CRYBG1: variants seen among roughly 807,000 people sequenced by gnomAD.
CRYBG1 encodes the protein crystallin beta-gamma domain containing 1.
CRYBG1 carries 139 observed loss-of-function variants against 189.2 expected under a neutral mutation model. The ratio of observed to expected loss-of-function variants is 0.73; its 90% CI spans 0.64 to 0.85. The LOEUF (loss-of-function observed/expected upper bound fraction) is 0.85, where lower values mean the gene tolerates loss of function less well. Ranked by LOEUF, CRYBG1 falls within the 40% of genes least tolerant of loss-of-function variation. The probability of loss-of-function intolerance (pLI) is 0.00; values close to 1 mark genes in which losing one functional copy is unlikely to be tolerated. For synonymous variants in CRYBG1, 1,023 were observed against 1,017.1 expected, an observed-to-expected ratio of 1.01 and a Z score of -0.11; for missense variants, 2,611 against 2,675.8, an observed-to-expected ratio of 0.98 and a Z score of 0.53.
chr6:106,481,166 G>GTTTCACC (rs1772444564), intron 2 of CRYBG1, among the ~76,000 whole-genome samples: 1 of 79,706 alleles, frequency 1.3e-5, no homozygotes, highest in Non-Finnish European at 2.3e-5. Flanking sequence ...AGTAGAGACG[G>GTTTCACC]GGTTTCACCG....
At chr6:106,369,730 A>G (rs1291766039) in intron 1 of CRYBG1, among the ~76,000 whole-genome samples, 1 of 152,236 alleles carries the variant, frequency 6.6e-6, no homozygotes, top group Non-Finnish European at 1.5e-5. Flanking sequence ...TGATTGAGAG[A>G]TGCAGTTTAT....
intron 11 of CRYBG1, among the ~76,000 whole-genome samples, chr6:106,543,839 G>A (rs1227466135): frequency 4.6e-5 from 7 of 152,178 alleles, no homozygotes; most frequent in African/African-American, 1.7e-4. Flanking sequence ...ATCACCTGAG[G>A]TCAGGAGTTC....
Position 106,531,742 on chromosome 6 carries a change from G to A in CRYBG1, c.4718+1427G>A, listed in dbSNP as rs142013365. Reference sequence around the variant, plus strand: ...ATGTACACTTAAACAAATAAAGTGAGCACCCAAGTAGACACCACTTGAGCC... The same window carrying A: ...ATGTACACTTAAACAAATAAAGTGAACACCCAAGTAGACACCACTTGAGCC... On this transcript the variant is annotated intron_variant, in intron 8 of 21. Transcript: ENST00000633556. Among the ~76,000 whole-genome samples the A allele has an allele frequency of 3.5e-3, 528 of 152,252 alleles. 5 individuals carry two copies. Among genetic ancestry groups the A allele is most frequent in the African/African-American group, 0.012 (496 of 41,552 alleles).
chr6:106,568,382 C>A, intron 21 of CRYBG1, 90 bp from the exon 22 acceptor site: 1 of 1,023,618 alleles, frequency 9.8e-7, no homozygotes, highest in Non-Finnish European at 1.5e-6. Context: ...TACTTGCTTA[C>A]TTTTGCTGTA....
intron 2 of CRYBG1, among the ~76,000 whole-genome samples, chr6:106,466,733 C>T (rs181111134): frequency 1.3e-5 from 2 of 152,202 alleles, no homozygotes; most frequent in Admixed American, 1.3e-4. Context: ...CAGTTGAAGA[C>T]ATAAGAGAAC....
chr6:106,423,694 C>CTTTTTT lies in CRYBG1; in HGVS notation c.174-28000_174-27999insTTTTTT, dbSNP rs1350862841. On this transcript the variant is annotated intron_variant, in intron 1 of 21. Transcript: ENST00000633556. ...CCCTCCAGTCCTCAGTTCTCCCTCC[C>CTTTTTT]CTTTTTTTTTTTTTTTTTTTTTTTT... Among the ~76,000 whole-genome samples, 14 of 101,242 alleles carry CTTTTTT rather than the reference C, an allele frequency of 1.4e-4. 5 individuals are homozygous for CTTTTTT. The highest frequency in any genetic ancestry group is 3.4e-4 in the African/African-American group (8 of 23,640). 66.4% of individuals were successfully genotyped at this position (101,242 alleles called of 152,430 possible). A position where few individuals can be genotyped will look rare whatever the true frequency, so the allele number is the denominator to read the frequency against.
intron 2 of CRYBG1, among the ~76,000 whole-genome samples, chr6:106,503,844 A>G (rs1416265615): frequency 6.6e-6 from 1 of 152,054 alleles, no homozygotes; most frequent in East Asian, 1.9e-4. Context: ...GGAGAATGAA[A>G]TTATAATTAT....
chr6:106,502,331 G>A (rs1441253338), intron 2 of CRYBG1, among the ~76,000 whole-genome samples: 2 of 152,218 alleles, frequency 1.3e-5, no homozygotes, highest in East Asian at 3.9e-4. Flanking sequence ...TACTTTCTGG[G>A]TTACAAGTTA....
chr6:106,488,909 T>C (rs148794944), intron 2 of CRYBG1, among the ~76,000 whole-genome samples: 10 of 152,220 alleles, frequency 6.6e-5, no homozygotes, highest in Admixed American at 1.3e-4. Context: ...AGTTTCAAGA[T>C]GGTGTTGTGC....
At chr6:106,415,920 C>A (rs1771012913) in intron 1 of CRYBG1, among the ~76,000 whole-genome samples, 1 of 152,164 alleles carries the variant, frequency 6.6e-6, no homozygotes, top group South Asian at 2.1e-4. Context: ...CTCTGCCTGG[C>A]AGTCCCCCCC....
At chr6:106,459,809 AG>A (rs1300778773) in intron 2 of CRYBG1, among the ~76,000 whole-genome samples, 3 of 152,200 alleles carry the variant, frequency 2.0e-5, no homozygotes, top group Non-Finnish European at 4.4e-5. Context: ...CTGAATCAAA[AG>A]CTTGCATATT....
chr6:106,361,603 C>G (rs1024010668), intron 1 of CRYBG1, among the ~76,000 whole-genome samples: 1 of 152,188 alleles, frequency 6.6e-6, no homozygotes, highest in Non-Finnish European at 1.5e-5. Flanking sequence ...GGTGGAGGAA[C>G]TGAGACCAAA....
rs1775031000 is a variant in CRYBG1 at position 106,570,593 on chromosome 6, ACT to A, written c.*2032_*2033del. 6.6e-6 allele frequency: 1 copy of A among 151,912 alleles called. No individual in the cohort carries two copies. The highest frequency in any genetic ancestry group is 2.4e-5 in the African/African-American group (1 of 41,322). 9.4% of individuals were successfully genotyped at this position (151,912 alleles called of 1,614,324 possible). On this transcript the variant is annotated 3_prime_UTR_variant, in exon 22 of 22. Coordinates refer to ENST00000633556, the MANE Select transcript of CRYBG1 (RefSeq NM_001371242.2). ...TAATAGCAAGAAAGATTTGCTGACCACTCTCTTTCCAAACTCCATAGTTTCTG... is the reference window on the plus strand; with the variant it reads ...TAATAGCAAGAAAGATTTGCTGACCACTCTTTCCAAACTCCATAGTTTCTG...
chr6:106,555,002 T>G (rs989119163), intron 16 of CRYBG1, among the ~76,000 whole-genome samples: 1 of 151,774 alleles, frequency 6.6e-6, no homozygotes, highest in Admixed American at 6.6e-5. Context: ...CCGTCTCTAC[T>G]AAAAATACAA....
At chr6:106,560,750 G>A in intron 18 of CRYBG1, 53 bp from the exon 19 acceptor site, 5 of 1,570,586 alleles carry the variant, frequency 3.2e-6, no homozygotes, top group Non-Finnish European at 3.5e-6. Flanking sequence ...AATGTAATTG[G>A]GGTCCACTGT....
intron 3 of CRYBG1, among the ~76,000 whole-genome samples, chr6:106,517,351 TATATATATACAC>T (rs375097140): frequency 0.23 from 29,691 of 128,228 alleles, 3,813 homozygotes; most frequent in South Asian, 0.36. Context: ...TACACACACA[TATATATATACAC>T]ATATATACAC....
intron 2 of CRYBG1, among the ~76,000 whole-genome samples, chr6:106,474,702 C>T (rs1263954613): frequency 6.6e-6 from 1 of 151,992 alleles, no homozygotes; most frequent in African/African-American, 2.4e-5. Context: ...GGAATGTGTC[C>T]AGAGCTTGGA....
In CRYBG1 at chr6:106,568,502, T is replaced by C. The variant is rs1402549694; in HGVS notation, c.6332T>C (p.Ile2111Thr). The C allele has an allele frequency of 3.1e-6, 5 of 1,613,872 alleles. No homozygotes were observed. Among genetic ancestry groups the C allele is most frequent in the Non-Finnish European group, 3.4e-6 (4 of 1,179,822 alleles). ...ACACAGTATGATCAAAATCACATTA[T>C]CCTCAACACTGTCAGCAAAGAGAAG... ...GGTQYDQNHIILNTVSKEKFT... is the reference protein window; with the variant it reads ...GGTQYDQNHITLNTVSKEKFT... The change falls in exon 22 of 22, where the codon ATC (isoleucine) becomes ACC (threonine). Residue 2111 changes from isoleucine (I) to threonine (T), a missense_variant. This residue lies in a region of CRYBG1 where 1,622 missense variants were observed against 1,735.0 expected (regional missense o/e 0.93). Transcript: ENST00000633556.
chr6:106,380,902 G>A (rs988204666), intron 1 of CRYBG1, among the ~76,000 whole-genome samples: 8 of 152,252 alleles, frequency 5.3e-5, no homozygotes, highest in South Asian at 2.1e-4. Context: ...TTGATGAAAC[G>A]TAGAGTCATC....
Sources: allele counts gnomAD v4.1 joint callset (sites outside exome capture counted in the v4.1 genomes callset), GRCh38; gene constraint gnomAD v4.1.1; regional missense constraint gnomAD v4.1.1; transcripts MANE v1.5; gene names NCBI Gene and HGNC (gene_info 2026-07-23, HGNC 2026-07-21).